SHANK2: variants seen among roughly 807,000 people sequenced by gnomAD.
SHANK2 encodes the protein SH3 and multiple ankyrin repeat domains 2.
A neutral mutation model predicts 133.7 loss-of-function variants in SHANK2; 43 were observed. That is an observed-to-expected ratio of 0.32 (90% CI 0.25 to 0.41). The LOEUF (loss-of-function observed/expected upper bound fraction) is 0.41. Among genes scored for constraint, SHANK2 ranks in the 10% least tolerant of loss-of-function variants. The pLI is 1.00. For synonymous variants in SHANK2, 1,017 were observed against 952.8 expected (o/e 1.07, Z -1.24); for missense variants, 1,994 against 2,235.8 (o/e 0.89, Z 2.18).
At chr11:70,852,048 C>T (rs1949094431) in intron 11 of SHANK2, among the ~76,000 whole-genome samples, 1 of 152,172 alleles carries the variant, frequency 6.6e-6, no homozygotes, top group African/African-American at 2.4e-5. Flanking sequence ...AAACCAAGAC[C>T]TTCTGGGCCA....
At position 70,487,524 on chromosome 11, in the gene SHANK2, C is replaced by T. The variant is rs575016008; in HGVS notation, c.2769G>A (p.Ala923=). 2.5e-6 allele frequency: 4 copies of T among 1,613,796 alleles called. No homozygotes were observed. The highest frequency in any genetic ancestry group is 1.3e-5 in the African/African-American group (1 of 74,902). Residue 923 remains alanine (A), a synonymous_variant, in exon 25 of 26, where the codon GCG becomes GCA. Coordinates refer to ENST00000601538, the MANE Select transcript of SHANK2 (RefSeq NM_012309.5). The surrounding 1 kb of genome is among the most constrained non-coding windows in gnomAD (Gnocchi z 5.8). Reference sequence around the variant, plus strand: ...CCTTGGCGGCAGAATTCTGATTGAACGCAGGCTTAATCGTCCCGTAGACTC... The same window carrying T: ...CCTTGGCGGCAGAATTCTGATTGAATGCAGGCTTAATCGTCCCGTAGACTC... ...TPRVYGTIKP[A]FNQNSAAKVS...
chr11:70,801,004 G>A (rs1948032047), intron 13 of SHANK2, among the ~76,000 whole-genome samples: 1 of 152,198 alleles, frequency 6.6e-6, no homozygotes, highest in Non-Finnish European at 1.5e-5. Context: ...TGTGATGCTT[G>A]GGAAAACTCG....
chr11:70,567,845 G>T (rs1407301474), intron 17 of SHANK2, among the ~76,000 whole-genome samples: 1 of 152,128 alleles, frequency 6.6e-6, no homozygotes, highest in African/African-American at 2.4e-5. Flanking sequence ...GGGGCAGCCC[G>T]AACTAAGACA....
intron 14 of SHANK2, among the ~76,000 whole-genome samples, chr11:70,732,883 C>T (rs1224803688): frequency 1.3e-5 from 2 of 152,246 alleles, no homozygotes; most frequent in African/African-American, 4.8e-5. Context: ...AGGGCAGGGA[C>T]TCTCTGTTTT....
intron 17 of SHANK2, among the ~76,000 whole-genome samples, chr11:70,527,050 A>G (rs1240563891): frequency 1.3e-5 from 2 of 150,890 alleles, no homozygotes; most frequent in Admixed American, 6.6e-5. Context: ...CCCTCCTCAC[A>G]CCGTCCCCTT....
At chr11:71,067,009 A>G (rs1951071727) in intron 9 of SHANK2, among the ~76,000 whole-genome samples, 1 of 152,218 alleles carries the variant, frequency 6.6e-6, no homozygotes, top group Non-Finnish European at 1.5e-5. Flanking sequence ...TCATTTACTA[A>G]CGGAGCGGCC....
rs1555148578 is a variant in SHANK2, at chr11:70,471,672, G to T, written c.*1197C>A. On this transcript the variant is annotated 3_prime_UTR_variant, in exon 26 of 26. Transcript: ENST00000601538. This position sits in a 1 kb window ranked among gnomAD's most constrained non-coding sequence, Gnocchi z 4.1. ...GCTGTTGTACTGTTAAGACAAGCTG[G>T]TGGGATTCCTAGACACCCAGAGCGA... The T allele has an allele frequency of 5.8e-6, 2 of 343,936 alleles. No individual in the cohort carries two copies. Among genetic ancestry groups the T allele is most frequent in the Non-Finnish European group, 1.0e-5 (2 of 192,610 alleles). The allele number at this position is 343,936 out of a possible 1,614,324, so 21.3% of individuals were successfully genotyped here.
chr11:70,541,899 C>T (rs1591555910), intron 17 of SHANK2, among the ~76,000 whole-genome samples: 1 of 152,334 alleles, frequency 6.6e-6, no homozygotes, highest in African/African-American at 2.4e-5. Context: ...GCCTGCAGTT[C>T]TCGTGGCAGC....
intron 14 of SHANK2, among the ~76,000 whole-genome samples, chr11:70,793,455 C>G (rs1947839372): frequency 6.6e-6 from 1 of 152,102 alleles, no homozygotes; most frequent in Non-Finnish European, 1.5e-5. Context: ...ATATATTTGA[C>G]AAAGGACTGA....
At chr11:70,629,933 C>A (rs192868559) in intron 17 of SHANK2, among the ~76,000 whole-genome samples, 27 of 152,338 alleles carry the variant, frequency 1.8e-4, no homozygotes, top group African/African-American at 6.3e-4. Context: ...AGCTACAAAA[C>A]CCCTTTTCTC....
intron 17 of SHANK2, among the ~76,000 whole-genome samples, chr11:70,580,143 C>T (rs1047640192): frequency 6.6e-6 from 1 of 152,236 alleles, no homozygotes. Flanking sequence ...CTGACTTCTA[C>T]AAGGCTGAGA....
At chr11:70,504,898 G>A (rs554444090) in intron 17 of SHANK2, among the ~76,000 whole-genome samples, 1 of 152,094 alleles carries the variant, frequency 6.6e-6, no homozygotes, top group Non-Finnish European at 1.5e-5. Flanking sequence ...CCTCCCATGA[G>A]CACACCCGGG....
intron 17 of SHANK2, among the ~76,000 whole-genome samples, chr11:70,551,253 G>A (rs969929056): frequency 6.6e-6 from 1 of 152,178 alleles, no homozygotes; most frequent in African/African-American, 2.4e-5. Context: ...TGTGTCTGAG[G>A]CTCTTTCCCG....
At chr11:70,888,151 G>T (rs191945330) in intron 11 of SHANK2, among the ~76,000 whole-genome samples, 62 of 152,186 alleles carry the variant, frequency 4.1e-4, no homozygotes, top group Middle Eastern at 6.8e-3. Flanking sequence ...GCCAGGAACG[G>T]ACAAAAGATT....
At chr11:70,760,471 C>G (rs1946971247) in intron 14 of SHANK2, among the ~76,000 whole-genome samples, 1 of 152,240 alleles carries the variant, frequency 6.6e-6, no homozygotes, top group Admixed American at 6.5e-5. Flanking sequence ...GATTTGGAGG[C>G]CATCGTAATC....
At chr11:70,829,191 C>T (rs190879847) in intron 11 of SHANK2, among the ~76,000 whole-genome samples, 236 of 152,262 alleles carry the variant, frequency 1.5e-3, no homozygotes, top group Middle Eastern at 0.01. Context: ...TTTCCCCTCA[C>T]GGGGGCCTCC....
chr11:70,862,734 G>A (rs1295809504), intron 11 of SHANK2: 6 of 175,132 alleles, frequency 3.4e-5, no homozygotes, highest in Non-Finnish European at 7.2e-5. Context: ...GAACAAAGAG[G>A]GAAATCTATG....
intron 14 of SHANK2, among the ~76,000 whole-genome samples, chr11:70,790,053 A>G (rs1947755368): frequency 6.6e-6 from 1 of 152,206 alleles, no homozygotes; most frequent in African/African-American, 2.4e-5. Flanking sequence ...CATTTTTCAT[A>G]AACTGCCTCA....
intron 10 of SHANK2, among the ~76,000 whole-genome samples, chr11:70,935,848 G>GT (rs1555083366): frequency 6.6e-6 from 1 of 152,138 alleles, no homozygotes; most frequent in Non-Finnish European, 1.5e-5. Context: ...TCCTCGTCAT[G>GT]TGAGCGGGCC....
Sources: allele counts gnomAD v4.1 joint callset (sites outside exome capture counted in the v4.1 genomes callset), GRCh38; gene constraint gnomAD v4.1.1; non-coding constraint Gnocchi (gnomAD v3.1); transcripts MANE v1.5; gene names NCBI Gene and HGNC (gene_info 2026-07-23, HGNC 2026-07-21).